VTI1A: variants seen among roughly 807,000 people sequenced by gnomAD.
The protein encoded by VTI1A is vesicle transport through interaction with t-SNAREs homolog 1A.
VTI1A carries 22 observed loss-of-function variants against 34.9 expected under a neutral mutation model. The observed-to-expected ratio is 0.63, with a 90% CI of 0.45 to 0.90. The LOEUF is 0.90. Ranked by LOEUF, VTI1A falls within the 40% of genes least tolerant of loss-of-function variation. The probability of loss-of-function intolerance (pLI) is 0.00; values close to 1 mark genes in which losing one functional copy is unlikely to be tolerated. For missense variants in VTI1A, 268 were observed against 275.6 expected, an observed-to-expected ratio of 0.97 and a Z score of 0.20; for synonymous variants, 87 against 97.3, an observed-to-expected ratio of 0.89 and a Z score of 0.62.
chr10:112,708,668 G>C (rs1209646760), intron 7 of VTI1A, among the ~76,000 whole-genome samples: 1 of 152,160 alleles, frequency 6.6e-6, no homozygotes, highest in East Asian at 1.9e-4. Context: ...TTCTAAGTAA[G>C]AACTGAAGAA....
the VTI1A span, among the ~76,000 whole-genome samples, chr10:112,849,594 A>C: frequency 6.6e-6 from 1 of 152,204 alleles, no homozygotes; most frequent in Non-Finnish European, 1.5e-5. Flanking sequence ...GGCAGCCCTG[A>C]GGAAGGAATT....
chr10:112,724,866 A>G (rs1357594569), intron 7 of VTI1A, among the ~76,000 whole-genome samples: 7 of 151,820 alleles, frequency 4.6e-5, no homozygotes, highest in Non-Finnish European at 7.4e-5. Flanking sequence ...ATGAACCCAC[A>G]TGTCTCTAAC....
At chr10:112,745,233 T>G (rs915116690) in intron 7 of VTI1A, among the ~76,000 whole-genome samples, 2 of 147,420 alleles carry the variant, frequency 1.4e-5, no homozygotes, top group South Asian at 4.3e-4. Flanking sequence ...TCAAAACTTG[T>G]TTTTTTTTTA....
At chr10:112,604,154 G>T (rs1431648032) in intron 5 of VTI1A, among the ~76,000 whole-genome samples, 1 of 152,184 alleles carries the variant, frequency 6.6e-6, no homozygotes, top group East Asian at 1.9e-4. Flanking sequence ...CATAGTGGGT[G>T]CTCTGGAGCC....
intron 5 of VTI1A, chr10:112,634,118 A>G (rs983588500): frequency 6.5e-6 from 1 of 153,386 alleles, no homozygotes; most frequent in Admixed American, 6.5e-5. Flanking sequence ...ATTTCTCCTC[A>G]GTCTTTATTC....
the VTI1A span, among the ~76,000 whole-genome samples, chr10:112,835,498 G>A: frequency 2.6e-5 from 4 of 152,310 alleles, no homozygotes; most frequent in East Asian, 5.8e-4. Flanking sequence ...CCCGCATACT[G>A]CAAAGTAGTG....
chr10:112,609,727 C>T (rs200239778), intron 5 of VTI1A, among the ~76,000 whole-genome samples: 1 of 152,010 alleles, frequency 6.6e-6, no homozygotes, highest in Non-Finnish European at 1.5e-5. Context: ...CATATTATTA[C>T]GCCCTCAATT....
intron 5 of VTI1A, among the ~76,000 whole-genome samples, chr10:112,642,977 C>CTTTTTTTTTTTTTTT (rs58619611): frequency 2.5e-3 from 308 of 120,964 alleles, no homozygotes; most frequent in Non-Finnish European, 3.2e-3. Context: ...TTTTTCTTTT[C>CTTTTTTTTTTTTTTT]TTTTTTTTTT....
At chr10:112,755,563 C>G (rs1206943887) in intron 7 of VTI1A, among the ~76,000 whole-genome samples, 1 of 152,180 alleles carries the variant, frequency 6.6e-6, no homozygotes, top group African/African-American at 2.4e-5. Flanking sequence ...GATTACAGAA[C>G]AGCCATTCGT....
intron 7 of VTI1A, among the ~76,000 whole-genome samples, chr10:112,808,469 T>C (rs964020913): frequency 1.3e-4 from 19 of 151,702 alleles, no homozygotes; most frequent in African/African-American, 4.6e-4. Context: ...CTACTAAAAA[T>C]ACAAAAATCA....
intron 5 of VTI1A, among the ~76,000 whole-genome samples, chr10:112,577,278 A>G (rs1843745440): frequency 6.6e-6 from 1 of 152,218 alleles, no homozygotes; most frequent in Non-Finnish European, 1.5e-5. Flanking sequence ...TTTGGGGGAC[A>G]GAGACATTCA....
intron 5 of VTI1A, among the ~76,000 whole-genome samples, chr10:112,606,002 G>A (rs550839774): frequency 6.7e-6 from 1 of 149,906 alleles, no homozygotes; most frequent in East Asian, 2.0e-4. Context: ...AGGCCATTGT[G>A]TGCTAGTTTT....
chr10:112,736,691 G>A, intron 7 of VTI1A: 1 of 1,551,594 alleles, frequency 6.4e-7, no homozygotes, highest in South Asian at 1.2e-5. Flanking sequence ...GGTGAGAAAT[G>A]CTACATAAGG....
chr10:112,699,100 C>G (rs1349400813), intron 7 of VTI1A, among the ~76,000 whole-genome samples: 1 of 152,202 alleles, frequency 6.6e-6, no homozygotes, highest in African/African-American at 2.4e-5. Flanking sequence ...AACTCATGAC[C>G]AGATGTAGAG....
chr10:112,786,011 A>C (rs28782879), intron 7 of VTI1A, among the ~76,000 whole-genome samples: 33 of 150,444 alleles, frequency 2.2e-4, no homozygotes, highest in South Asian at 6.3e-4. Context: ...CCGCCCCCCC[A>C]AAAAAAAATG....
rs866911677 is a variant in VTI1A at position 112,531,480 on chromosome 10, A to C, written c.342+4316A>C. ...GAATGAATAACTCCCGGCCTAAGCA[A>C]AGAAAAAAAAAAAAAAGAAAAAAGA... On this transcript the variant is annotated intron_variant, in intron 4 of 7. Transcript: ENST00000393077. Among the ~76,000 whole-genome samples the C allele has an allele frequency of 1.6e-3, 84 of 53,742 alleles. 1 individual carries two copies. Among genetic ancestry groups the C allele is most frequent in the African/African-American group, 4.6e-3 (76 of 16,508 alleles). The allele number at this position is 53,742 out of a possible 152,430, so 35.3% of individuals were successfully genotyped here. A position where few individuals can be genotyped will look rare whatever the true frequency, so the allele number is the denominator to read the frequency against.
rs367620671 is a variant in VTI1A at position 112,597,420 on chromosome 10, G to A, written c.427+59090G>A. On this transcript the variant is annotated intron_variant, in intron 5 of 7. Coordinates refer to ENST00000393077, the MANE Select transcript of VTI1A (RefSeq NM_145206.4). ...TTTAGTAGAGACAGGGTTTCTCCATGTTGGTCAGGCTGGTCTCGAACTCCC... is the reference window on the plus strand; with the variant it reads ...TTTAGTAGAGACAGGGTTTCTCCATATTGGTCAGGCTGGTCTCGAACTCCC... 3.4e-4 allele frequency among the ~76,000 whole-genome samples: 52 copies of A among 152,182 alleles called. 1 individual carries two copies. The South Asian group carries it at 0.011, about 32-fold the overall frequency.
the VTI1A span, among the ~76,000 whole-genome samples, chr10:112,850,812 C>T: frequency 6.6e-5 from 10 of 152,196 alleles, no homozygotes; most frequent in Non-Finnish European, 1.2e-4. Context: ...GCCTTCTTGG[C>T]ACAGGGCCCT....
intron 5 of VTI1A, among the ~76,000 whole-genome samples, chr10:112,546,034 ATG>A (rs1491310591): frequency 8.4e-5 from 12 of 143,422 alleles, no homozygotes; most frequent in South Asian, 4.4e-4. Context: ...GTATACGCGT[ATG>A]TGTGTGTATA....
Sources: gnomAD v4.1 joint callset for allele counts (sites outside exome capture counted in the v4.1 genomes callset) on GRCh38, gnomAD v4.1.1 for gene constraint, MANE v1.5 for transcripts, NCBI Gene and HGNC (gene_info 2026-07-23, HGNC 2026-07-21) for gene names.